The following LHX2 variants were observed in gnomAD, a reference collection of about 807,000 sequenced individuals.
LHX2 encodes LIM/homeobox protein Lhx2.
Under a neutral mutation model 33.0 loss-of-function variants are expected in LHX2, and 6 were observed. The ratio of observed to expected loss-of-function variants is 0.18; its 90% CI spans 0.10 to 0.36. LHX2 has a LOEUF of 0.36. LHX2 is among the 10% of genes least tolerant of loss of function. The probability of loss-of-function intolerance (pLI) is 1.00; values close to 1 mark genes in which losing one functional copy is unlikely to be tolerated. For missense variants in LHX2, 442 were observed against 586.2 expected (o/e 0.75, Z 2.54); for synonymous variants, 292 against 253.1 (o/e 1.15, Z -1.46).
At position 124,032,713 on chromosome 9, in the gene LHX2, C is replaced by T. The variant is rs764076674; in HGVS notation, c.*6C>T. On this transcript the variant is annotated 3_prime_UTR_variant, in exon 5 of 5. Coordinates refer to ENST00000373615, the MANE Select transcript of LHX2 (RefSeq NM_004789.4). The surrounding 1 kb of genome is among the most constrained non-coding windows in gnomAD (Gnocchi z 4.1). ...CTCTTACCAACCTTTTCTAATGACT[C>T]GCAACCCCTCACCCCACAATTTCTT... 5.8e-5 allele frequency: 91 copies of T among 1,562,566 alleles called. No homozygotes were observed. Among genetic ancestry groups the T allele is most frequent in the Non-Finnish European group, 7.6e-5 (87 of 1,148,332 alleles).
Position 124,012,192 on chromosome 9 carries a change from C to A in LHX2, c.-157C>A. ...TCCTGCCCCGCGAGCGCCCGGGGCC[C>A]GGAGCCCGGCCTGGGGGCTCAGCCG... is the stretch of plus-strand genomic sequence containing the variant. On this transcript the variant is annotated 5_prime_UTR_variant, in exon 1 of 5. Transcript: ENST00000373615. The surrounding 1 kb of genome is among the most constrained non-coding windows in gnomAD (Gnocchi z 4.3). 1 of 666,652 alleles carries A rather than the reference C, an allele frequency of 1.5e-6. No homozygotes were observed. Among genetic ancestry groups the A allele is most frequent in the Non-Finnish European group, 2.0e-6 (1 of 503,040 alleles). The allele number at this position is 666,652 out of a possible 1,614,324, so 41.3% of individuals were successfully genotyped here.
At chr9:124,030,822 G>A (rs1828695890) in intron 4 of LHX2, among the ~76,000 whole-genome samples, 1 of 151,640 alleles carries the variant, frequency 6.6e-6, no homozygotes, top group Admixed American at 6.6e-5. Flanking sequence ...TAGTAGAGAT[G>A]GGGTTTCACC....
Position 124,016,163 on chromosome 9 carries a change from C to T in LHX2, c.727+638C>T, listed in dbSNP as rs1245357537. ...TCCTGGCGCCTGCTGGGGTGAGGGC[C>T]GTGACCCTCGGAAGCGAGCCCCCCG... is the stretch of plus-strand genomic sequence containing the variant. On this transcript the variant is annotated intron_variant, in intron 3 of 4. Transcript: ENST00000373615. The surrounding 1 kb of genome is among the most constrained non-coding windows in gnomAD (Gnocchi z 4.4). Among the ~76,000 whole-genome samples, 3 of 140,954 alleles carry T rather than the reference C, an allele frequency of 2.1e-5. No homozygotes were observed. The highest frequency in any genetic ancestry group is 7.2e-5 in the Admixed American group (1 of 13,886). The allele number at this position is 140,954 out of a possible 152,430, so 92.5% of individuals were successfully genotyped here.
chr9:124,015,305 C>A lies in LHX2; in HGVS notation c.507C>A (p.Phe169Leu), dbSNP rs375687666. ...KDSLVYCRLH[F>L]EALLQGEYPA... is the part of the protein sequence containing the mutation. ...GCCTGGTCTACTGCCGCTTGCACTT[C>A]GAGGCGCTGCTGCAGGGCGAGTACC... Residue 169 changes from phenylalanine (F) to leucine (L), a missense_variant, in exon 3 of 5, where the codon TTC becomes TTA. By Grantham distance (22) the Phe-to-Leu change is conservative (BLOSUM62 0). Transcript: ENST00000373615. The surrounding 1 kb of genome is among the most constrained non-coding windows in gnomAD (Gnocchi z 7.9). 13 of 1,613,912 alleles carry A rather than the reference C, an allele frequency of 8.1e-6. No homozygotes were observed. In the African/African-American group the frequency reaches 1.7e-4, roughly 22 times the overall value.
intron 4 of LHX2, among the ~76,000 whole-genome samples, chr9:124,023,448 A>G (rs1828553428): frequency 6.6e-6 from 1 of 152,140 alleles, no homozygotes; most frequent in East Asian, 1.9e-4. Context: ...CTATGAATTA[A>G]TGCTTTAGCT....
In LHX2 at chr9:124,032,365, G is replaced by GC. The variant is rs1344607847; in HGVS notation, c.934-55_934-54insC. The GC allele has an allele frequency of 5.2e-6, 8 of 1,526,130 alleles. No homozygotes were observed. Among genetic ancestry groups the GC allele is most frequent in the Admixed American group, 1.8e-5 (1 of 55,516 alleles). 94.5% of individuals were successfully genotyped at this position (1,526,130 alleles called of 1,614,324 possible). A position where few individuals can be genotyped will look rare whatever the true frequency, so the allele number is the denominator to read the frequency against. On this transcript the variant is annotated intron_variant, in intron 4 of 4. Transcript: ENST00000373615. The surrounding 1 kb of genome is among the most constrained non-coding windows in gnomAD (Gnocchi z 4.1). The stretch of plus-strand genomic sequence containing the variant: ...AGCAGAGCTCTGAGTGAAGCAGTCG[G>GC]GGGGATGCTCTGCCTGCCTTCCGCT...
At chr9:124,026,998 A>G (rs1828635796) in intron 4 of LHX2, among the ~76,000 whole-genome samples, 1 of 152,206 alleles carries the variant, frequency 6.6e-6, no homozygotes, top group Non-Finnish European at 1.5e-5. Flanking sequence ...CTAGTCCTAG[A>G]TGGCCTAAGC....
At chr9:124,020,793 T>TTGCTGCTGC (rs112069275) in intron 3 of LHX2, among the ~76,000 whole-genome samples, 4 of 152,044 alleles carry the variant, frequency 2.6e-5, no homozygotes, top group Non-Finnish European at 5.9e-5. Context: ...GTAGCTGTTG[T>TTGCTGCTGC]TGCTGCTGCT....
In LHX2 at chr9:124,016,760, C is replaced by T. The variant is rs914619081; in HGVS notation, c.727+1235C>T. Among the ~76,000 whole-genome samples the T allele has an allele frequency of 2.0e-5, 3 of 152,146 alleles. No homozygotes were observed. Among genetic ancestry groups the T allele is most frequent in the African/African-American group, 7.2e-5 (3 of 41,436 alleles). ...CCCAGTTTGGTAAATGGTGAAGCAG[C>T]GGTAGGCCGGTCGGTGGCGCGGATT... On this transcript the variant is annotated intron_variant, in intron 3 of 4. Transcript: ENST00000373615. The surrounding 1 kb of genome is among the most constrained non-coding windows in gnomAD (Gnocchi z 4.4).
intron 4 of LHX2, among the ~76,000 whole-genome samples, chr9:124,027,279 CA>C (rs957895484): frequency 1.3e-5 from 2 of 151,884 alleles, no homozygotes; most frequent in Admixed American, 6.6e-5. Context: ...GCAAAACAAA[CA>C]AAAAAAACCG....
chr9:124,029,028 C>T (rs1828672171), intron 4 of LHX2, among the ~76,000 whole-genome samples: 1 of 152,138 alleles, frequency 6.6e-6, no homozygotes, highest in African/African-American at 2.4e-5. Context: ...GAGAGAATCA[C>T]TTGAACCTGG....
At position 124,013,961 on chromosome 9, in the gene LHX2, A is replaced by G. The variant is rs758295305; in HGVS notation, c.121A>G (p.Thr41Ala). The G allele has an allele frequency of 7.4e-6, 12 of 1,611,754 alleles. No homozygotes were observed. The highest frequency in any genetic ancestry group is 1.0e-5 in the Non-Finnish European group (12 of 1,179,426). ...GTCTTCCGCCTCCCTCCCTTCGCAG[A>G]CCATGCCGTCCATCAGCAGTGACCG... is the stretch of plus-strand genomic sequence containing the variant. Reference protein sequence around the residue: ...SAIDRGDTETTMPSISSDRAA... With the variant: ...SAIDRGDTETAMPSISSDRAA... Residue 41 changes from threonine to alanine, a missense_variant and splice_region_variant, in exon 2 of 5, where the codon ACC (threonine) becomes GCC (alanine). This residue lies in a region of LHX2 where 97 missense variants were observed against 81.5 expected (regional missense o/e 1.19). Coordinates refer to ENST00000373615, the MANE Select transcript of LHX2 (RefSeq NM_004789.4).
chr9:124,017,400 G>A (rs966624944), intron 3 of LHX2, among the ~76,000 whole-genome samples: 1 of 152,284 alleles, frequency 6.6e-6, no homozygotes, highest in East Asian at 1.9e-4. Flanking sequence ...GCATCTCCCC[G>A]GCCTCTCGGG....
At chr9:124,024,153 G>A (rs566560556) in intron 4 of LHX2, among the ~76,000 whole-genome samples, 14 of 152,364 alleles carry the variant, frequency 9.2e-5, no homozygotes, top group African/African-American at 2.4e-4. Flanking sequence ...TGGGGCATAC[G>A]TGTAGCACTG....
intron 4 of LHX2, among the ~76,000 whole-genome samples, chr9:124,027,195 T>C (rs186831763): frequency 2.7e-4 from 41 of 152,302 alleles, no homozygotes; most frequent in African/African-American, 9.1e-4. Flanking sequence ...AGAAAACTTC[T>C]TTAAAAGTTT....
intron 4 of LHX2, among the ~76,000 whole-genome samples, chr9:124,029,835 C>T (rs1448236570): frequency 1.3e-5 from 2 of 152,220 alleles, no homozygotes; most frequent in South Asian, 2.1e-4. Context: ...GCCTTCTCCA[C>T]CCCAATCTGC....
intron 4 of LHX2, among the ~76,000 whole-genome samples, chr9:124,023,786 A>G (rs939083313): frequency 3.3e-5 from 5 of 152,212 alleles, no homozygotes; most frequent in Admixed American, 1.3e-4. Flanking sequence ...CCTTGGGGAC[A>G]CAGAGATGAA....
intron 3 of LHX2, 129 bp from the exon 4 acceptor site, chr9:124,020,970 C>T: frequency 1.3e-6 from 1 of 792,404 alleles, no homozygotes; most frequent in South Asian, 1.7e-5. Flanking sequence ...TGATGTCCCC[C>T]TTTCATTGTG....
At chr9:124,029,405 C>T (rs778175158) in intron 4 of LHX2, among the ~76,000 whole-genome samples, 2 of 152,092 alleles carry the variant, frequency 1.3e-5, no homozygotes, top group Non-Finnish European at 2.9e-5. Context: ...TTTTGAAATA[C>T]CTGGGAGAGA....
Sources: gnomAD v4.1 joint callset for allele counts (sites outside exome capture counted in the v4.1 genomes callset) on GRCh38, gnomAD v4.1.1 for gene constraint, gnomAD v4.1.1 regional missense constraint, Gnocchi (gnomAD v3.1) non-coding constraint, MANE v1.5 for transcripts, NCBI Gene and HGNC (gene_info 2026-07-23, HGNC 2026-07-21) for gene names.